Variants in PARN observed in about 807,000 individuals in gnomAD.
The protein encoded by PARN is poly(A)-specific ribonuclease, also known as poly(A)-specific ribonuclease PARN.
PARN carries 71 observed loss-of-function variants against 102.8 expected under a neutral mutation model. The observed-to-expected ratio is 0.69, with a 90% CI of 0.57 to 0.84. The LOEUF (loss-of-function observed/expected upper bound fraction) is 0.84. Among genes scored for constraint, PARN ranks in the 40% least tolerant of loss-of-function variants. The pLI is 0.00. For synonymous variants in PARN, 261 were observed against 252.9 expected (o/e 1.03, Z -0.30); for missense variants, 782 against 760.9 (o/e 1.03, Z -0.33).
rs141124512 is a variant in PARN, at chr16:14,471,651, T to G, written c.1670+10987A>C. On this transcript the variant is annotated intron_variant, in intron 22 of 23. Coordinates refer to ENST00000437198, the MANE Select transcript of PARN (RefSeq NM_002582.4). ...GTAGTACTGAATCACATTAAACAAC[T>G]CCCCATTCCCACCTCTCCTCAGGTG... Among the ~76,000 whole-genome samples the G allele has an allele frequency of 8.2e-3, 1,252 of 152,196 alleles. 8 individuals carry two copies. Among genetic ancestry groups the G allele is most frequent in the Non-Finnish European group, 0.012 (806 of 68,010 alleles).
At chr16:14,455,050 G>A (rs191290674) in intron 22 of PARN, among the ~76,000 whole-genome samples, 3 of 152,234 alleles carry the variant, frequency 2.0e-5, no homozygotes, top group Admixed American at 2.0e-4. Flanking sequence ...CCAAATGAAT[G>A]CCAAATATCA....
At position 14,610,838 on chromosome 16, in the gene PARN, A is replaced by C; in HGVS notation, c.389-29T>G. ...AACACGATTTTAAAAAGAATGCATT[A>C]GCAGAAGTAACTGTCTAACATAAAA... On this transcript the variant is annotated intron_variant, in intron 6 of 23. Transcript: ENST00000437198. 2.7e-6 allele frequency: 4 copies of C among 1,478,856 alleles called. No individual in the cohort carries two copies. The South Asian group carries it at 4.6e-5, about 17-fold the overall frequency. The allele number at this position is 1,478,856 out of a possible 1,614,324, so 91.6% of individuals were successfully genotyped here. A position where few individuals can be genotyped will look rare whatever the true frequency, so the allele number is the denominator to read the frequency against.
At position 14,599,952 on chromosome 16, in the gene PARN, C is replaced by G; in HGVS notation, c.792G>C (p.Leu264=). 6.3e-7 allele frequency: 1 copy of G among 1,586,846 alleles called. No individual in the cohort carries two copies. The highest frequency in any genetic ancestry group is 8.6e-7 in the Non-Finnish European group (1 of 1,161,014). Residue 264 remains leucine (L), a synonymous_variant, in exon 12 of 24, where the codon CTG becomes CTC. Transcript: ENST00000437198. ...QQKHAKEQEE[L]NDAVGFSRVI... is the part of the protein sequence containing the mutation. ...CTCTAGAAAATCCCACAGCATCATTCAGCTCCTCCTAATTAAAAAAATATA... is the reference window on the plus strand; with the variant it reads ...CTCTAGAAAATCCCACAGCATCATTGAGCTCCTCCTAATTAAAAAAATATA...
At chr16:14,513,415 C>T (rs185806849) in intron 21 of PARN, among the ~76,000 whole-genome samples, 3 of 152,244 alleles carry the variant, frequency 2.0e-5, no homozygotes, top group African/African-American at 4.8e-5. Context: ...TAATGATTAG[C>T]GTTTCGTGCT....
At position 14,627,271 on chromosome 16, in the gene PARN, T is replaced by C. The variant is rs759354835; in HGVS notation, c.243A>G (p.Ser81=). The change falls in exon 4 of 24, where the codon TCA becomes TCG. Residue 81 remains serine (S), a splice_region_variant and synonymous_variant. Transcript: ENST00000437198. ...CAACGTTTGTTAACACAACCTACTT[T>C]GAATCTGTGTAGTCATACTTAAAAG... The part of the protein sequence containing the change: ...LCTFKYDYTD[S]KYITKSFNFY... The C allele has an allele frequency of 3.8e-6, 6 of 1,593,000 alleles. No individual in the cohort carries two copies. The African/African-American group carries it at 8.0e-5, about 21-fold the overall frequency.
chr16:14,590,288 A>C (rs1172444848), intron 13 of PARN, among the ~76,000 whole-genome samples: 4 of 151,054 alleles, frequency 2.6e-5, no homozygotes, highest in South Asian at 2.1e-4. Flanking sequence ...AAAAAAAAAA[A>C]ACAGAAGTGT....
chr16:14,511,756 A>G (rs1020479372), intron 21 of PARN, among the ~76,000 whole-genome samples: 3 of 152,174 alleles, frequency 2.0e-5, no homozygotes, highest in African/African-American at 7.2e-5. Context: ...TCTGGAGTAG[A>G]GTGGCACGAT....
chr16:14,439,294 C>A (rs1960843394), intron 23 of PARN, among the ~76,000 whole-genome samples: 1 of 150,984 alleles, frequency 6.6e-6, no homozygotes, highest in Admixed American at 6.6e-5. Context: ...ATCACTTGAG[C>A]CCAGGATATC....
chr16:14,612,156 C>T (rs1364008522), intron 6 of PARN, among the ~76,000 whole-genome samples: 3 of 152,032 alleles, frequency 2.0e-5, no homozygotes, highest in Non-Finnish European at 4.4e-5. Context: ...TAACACCTTG[C>T]GGCCGGGCAT....
At chr16:14,525,223 A>G (rs1567346905) in intron 21 of PARN, among the ~76,000 whole-genome samples, 1 of 152,216 alleles carries the variant, frequency 6.6e-6, no homozygotes, top group Non-Finnish European at 1.5e-5. Flanking sequence ...ATCAAAGGAT[A>G]AAGGCTGTTC....
intron 21 of PARN, among the ~76,000 whole-genome samples, chr16:14,485,792 A>G (rs1963644437): frequency 6.6e-6 from 1 of 152,062 alleles, no homozygotes; most frequent in Non-Finnish European, 1.5e-5. Context: ...GGTTCAAGTG[A>G]TTCTCGTGCC....
chr16:14,599,201 C>T (rs1970729851), intron 12 of PARN, among the ~76,000 whole-genome samples: 1 of 152,074 alleles, frequency 6.6e-6, no homozygotes, highest in Non-Finnish European at 1.5e-5. Context: ...TACCACCACA[C>T]CTGGCTAATT....
chr16:14,578,948 T>C (rs1969333354), intron 18 of PARN, among the ~76,000 whole-genome samples: 1 of 152,170 alleles, frequency 6.6e-6, no homozygotes, highest in African/African-American at 2.4e-5. Context: ...ATTAGCAATA[T>C]TAGATTGATC....
intron 6 of PARN, among the ~76,000 whole-genome samples, chr16:14,617,085 A>C (rs1332507128): frequency 1.3e-5 from 2 of 151,610 alleles, no homozygotes; most frequent in African/African-American, 4.8e-5. Context: ...TTAAAAAAAA[A>C]AAAAAAAGAT....
intron 22 of PARN, among the ~76,000 whole-genome samples, chr16:14,472,599 T>G (rs1004490127): frequency 2.0e-5 from 3 of 152,214 alleles, no homozygotes; most frequent in African/African-American, 7.2e-5. Flanking sequence ...CTCGATTTGC[T>G]GCTAGAACAT....
intron 18 of PARN, among the ~76,000 whole-genome samples, chr16:14,573,718 T>C (rs1157077825): frequency 1.3e-5 from 2 of 152,176 alleles, no homozygotes; most frequent in Non-Finnish European, 2.9e-5. Flanking sequence ...GTTATTTTGA[T>C]AGTGAGTGAG....
At chr16:14,539,598 G>A (rs1029762174) in intron 21 of PARN, among the ~76,000 whole-genome samples, 5 of 152,186 alleles carry the variant, frequency 3.3e-5, no homozygotes, top group Admixed American at 1.3e-4. Context: ...TTTCCATGGT[G>A]CTTTTGATGA....
At chr16:14,629,429 T>C (rs1324321239) in intron 2 of PARN, among the ~76,000 whole-genome samples, 168 bp downstream of exon 2, 1 of 152,208 alleles carries the variant, frequency 6.6e-6, no homozygotes, top group African/African-American at 2.4e-5. Flanking sequence ...TTCATTTCTT[T>C]CGTGCTTTTG....
intron 21 of PARN, among the ~76,000 whole-genome samples, chr16:14,544,937 G>A (rs941057330): frequency 7.9e-5 from 12 of 152,012 alleles, no homozygotes; most frequent in African/African-American, 2.9e-4. Context: ...CTGTAATCCC[G>A]GCACTTTGGG....
Sources: gnomAD v4.1 joint callset for allele counts (sites outside exome capture counted in the v4.1 genomes callset) on GRCh38, gnomAD v4.1.1 for gene constraint, MANE v1.5 for transcripts, NCBI Gene and HGNC (gene_info 2026-07-23, HGNC 2026-07-21) for gene names.